Variants in PPP1R1C observed in about 807,000 individuals in gnomAD.
PPP1R1C encodes protein phosphatase 1 regulatory inhibitor subunit 1C, also known as protein phosphatase 1 regulatory subunit 1C.
Under a neutral mutation model 17.4 loss-of-function variants are expected in PPP1R1C, and 15 were observed. The ratio of observed to expected loss-of-function variants is 0.86; its 90% CI spans 0.58 to 1.33. The LOEUF is 1.33. PPP1R1C is among the 40% of genes most tolerant of loss of function. The pLI is 0.00. For missense variants in PPP1R1C, 143 were observed against 130.0 expected (o/e 1.10, Z -0.48); for synonymous variants, 35 against 43.1 (o/e 0.81, Z 0.73).
intron 1 of PPP1R1C, among the ~76,000 whole-genome samples, chr2:181,970,530 C>G (rs1018652611): frequency 1.3e-5 from 2 of 152,188 alleles, no homozygotes; most frequent in Non-Finnish European, 2.9e-5. Flanking sequence ...GCAAAGCCAG[C>G]ACAGCCCTAG....
chr2:182,074,081 G>A (rs1403602682), intron 4 of PPP1R1C, among the ~76,000 whole-genome samples: 3 of 139,720 alleles, frequency 2.1e-5, no homozygotes, highest in Admixed American at 1.5e-4. Flanking sequence ...TCACTCTGTC[G>A]CCCAGGCTGG....
intron 1 of PPP1R1C, among the ~76,000 whole-genome samples, chr2:181,970,382 A>G (rs1684985105): frequency 6.6e-6 from 1 of 152,146 alleles, no homozygotes; most frequent in Non-Finnish European, 1.5e-5. Context: ...AATGCTGTGA[A>G]TCTTCCACCC....
chr2:182,004,738 G>C (rs1424560346), intron 2 of PPP1R1C, among the ~76,000 whole-genome samples: 2 of 152,194 alleles, frequency 1.3e-5, no homozygotes, highest in African/African-American at 4.8e-5. Flanking sequence ...CAGCAGGAGG[G>C]CTCACATGCT....
intron 2 of PPP1R1C, among the ~76,000 whole-genome samples, chr2:182,001,283 G>C (rs139894801): frequency 6.6e-6 from 1 of 152,136 alleles, no homozygotes; most frequent in African/African-American, 2.4e-5. Context: ...CAGATGCATA[G>C]ACAATTTTGC....
At chr2:182,079,952 A>T (rs1688424405) in intron 4 of PPP1R1C, among the ~76,000 whole-genome samples, 1 of 152,124 alleles carries the variant, frequency 6.6e-6, no homozygotes, top group African/African-American at 2.4e-5. Context: ...TGGCTACTTC[A>T]TCCTGTCGAG....
Position 181,962,096 on chromosome 2 carries a change from TGACTCCAGTCTCTGACCTGGAGTC to T in PPP1R1C, n.111+7463_111+7486del. 1 of 722,070 alleles carries T rather than the reference TGACTCCAGTCTCTGACCTGGAGTC, an allele frequency of 1.4e-6. No individual in the cohort carries two copies. Among genetic ancestry groups the T allele is most frequent in the Non-Finnish European group, 2.6e-6 (1 of 391,180 alleles). The allele number at this position is 722,070 out of a possible 1,614,324, so 44.7% of individuals were successfully genotyped here. On this transcript the variant is annotated intron_variant and non_coding_transcript_variant, in intron 1 of 5. Transcript: ENST00000464264. The surrounding 1 kb of genome is among the most constrained non-coding windows in gnomAD (Gnocchi z 6.0). ...CAGGTCCTCGATGGTCTTGAGGTAA[TGACTCCAGTCTCTGACCTGGAGTC>T]CCTTCTTCTCCAGGTGCTCCCGGAT...
chr2:182,079,636 C>T (rs1385026165), intron 4 of PPP1R1C, among the ~76,000 whole-genome samples: 1 of 152,186 alleles, frequency 6.6e-6, no homozygotes, highest in Non-Finnish European at 1.5e-5. Flanking sequence ...TTTTCAAGGA[C>T]TGCCTTAATA....
chr2:182,067,499 CACCAA>C (rs1688018433), intron 4 of PPP1R1C, among the ~76,000 whole-genome samples: 1 of 152,108 alleles, frequency 6.6e-6, no homozygotes, highest in Admixed American at 6.6e-5. Flanking sequence ...TACTTCAGAT[CACCAA>C]ATGAAACATG....
At chr2:182,005,655 G>C (rs767573158) in intron 2 of PPP1R1C, among the ~76,000 whole-genome samples, 7 of 152,146 alleles carry the variant, frequency 4.6e-5, no homozygotes, top group Non-Finnish European at 1.0e-4. Flanking sequence ...CATCATTTGT[G>C]TTATTTATAC....
intron 5 of PPP1R1C, among the ~76,000 whole-genome samples, chr2:182,124,123 A>G (rs1254757433): frequency 1.3e-5 from 2 of 152,112 alleles, no homozygotes; most frequent in Admixed American, 1.3e-4. Flanking sequence ...TCCTTTCCAC[A>G]TTGCTTGTTT....
chr2:182,115,990 A>G (rs983472797), intron 4 of PPP1R1C, among the ~76,000 whole-genome samples: 3 of 152,192 alleles, frequency 2.0e-5, no homozygotes, highest in Non-Finnish European at 2.9e-5. Flanking sequence ...AACTATCACT[A>G]TATGCAGAAA....
chr2:182,061,021 G>C (rs1687834079), intron 2 of PPP1R1C, among the ~76,000 whole-genome samples: 1 of 152,100 alleles, frequency 6.6e-6, no homozygotes, highest in Non-Finnish European at 1.5e-5. Context: ...ATGGTGATTG[G>C]ACTGAGTGGG....
chr2:181,978,378 A>G (rs1276027187), intron 2 of PPP1R1C, among the ~76,000 whole-genome samples: 1 of 152,216 alleles, frequency 6.6e-6, no homozygotes, highest in East Asian at 1.9e-4. Flanking sequence ...GAGCAATGCC[A>G]GAGTGTTTTT....
chr2:182,092,142 C>A (rs961792894), intron 4 of PPP1R1C, among the ~76,000 whole-genome samples: 1 of 152,088 alleles, frequency 6.6e-6, no homozygotes, highest in Non-Finnish European at 1.5e-5. Flanking sequence ...TACCTGAGAC[C>A]AGGCAATTTA....
At chr2:181,986,586 C>A (rs958151755) in intron 1 of PPP1R1C, among the ~76,000 whole-genome samples, 2 of 152,108 alleles carry the variant, frequency 1.3e-5, no homozygotes, top group Non-Finnish European at 2.9e-5. Flanking sequence ...GCAATAAAAT[C>A]ATTAAATCCT....
At chr2:182,040,770 G>A (rs921041336) in intron 2 of PPP1R1C, among the ~76,000 whole-genome samples, 1 of 152,134 alleles carries the variant, frequency 6.6e-6, no homozygotes, top group Non-Finnish European at 1.5e-5. Flanking sequence ...TTATCTTATA[G>A]AATTTTTATG....
Position 181,986,105 on chromosome 2 carries a change from A to G in PPP1R1C, c.-6A>G. 4.3e-6 allele frequency: 7 copies of G among 1,612,044 alleles called. No homozygotes were observed. Among genetic ancestry groups the G allele is most frequent in the Non-Finnish European group, 5.9e-6 (7 of 1,178,124 alleles). ...TTCACATCTCTGACTAATTATCATC[A>G]TTACCATGGAGCCCAACAGTCCCAA... On this transcript the variant is annotated 5_prime_UTR_variant, in exon 1 of 5. Coordinates refer to ENST00000682840, the MANE Select transcript of PPP1R1C (RefSeq NM_001080545.3).
intron 4 of PPP1R1C, among the ~76,000 whole-genome samples, chr2:182,076,192 CTTTTCTTTTTTTTTTTTTTTTTT>C (rs1559082845): frequency 3.9e-5 from 1 of 25,838 alleles, no homozygotes; most frequent in African/African-American, 1.6e-4. Context: ...TTTTTTTTTT[CTTTTCTTTTTTTTTTTTTTTTTT>C]TTTTTTTTTT....
chr2:181,990,152 T>C (rs1389068656), intron 2 of PPP1R1C, among the ~76,000 whole-genome samples: 1 of 151,856 alleles, frequency 6.6e-6, no homozygotes, highest in Non-Finnish European at 1.5e-5. Flanking sequence ...TTCTTTCTTT[T>C]TTTTTTGAGA....
Sources: gnomAD v4.1 joint callset for allele counts (sites outside exome capture counted in the v4.1 genomes callset) on GRCh38, gnomAD v4.1.1 for gene constraint, Gnocchi (gnomAD v3.1) non-coding constraint, MANE v1.5 for transcripts, NCBI Gene and HGNC (gene_info 2026-07-23, HGNC 2026-07-21) for gene names.